IARS1: variants seen among roughly 807,000 people sequenced by gnomAD.
IARS1 encodes isoleucyl-tRNA synthetase 1, also known as isoleucine--tRNA ligase, cytoplasmic.
In IARS1, 124 loss-of-function variants were observed where a neutral mutation model predicts 168.2. That is an observed-to-expected ratio of 0.74 (90% CI 0.64 to 0.86). The LOEUF (loss-of-function observed/expected upper bound fraction) is 0.86. Among genes scored for constraint, IARS1 ranks in the 40% least tolerant of loss-of-function variants. The pLI is 0.00. For synonymous variants in IARS1, 532 were observed against 529.4 expected (o/e 1.00, Z -0.07); for missense variants, 1,452 against 1,515.8 (o/e 0.96, Z 0.70).
chr9:92,236,480 A>G (rs1212175768), intron 30 of IARS1, among the ~76,000 whole-genome samples: 1 of 152,226 alleles, frequency 6.6e-6, no homozygotes, highest in Non-Finnish European at 1.5e-5. Context: ...TCATCTCCTT[A>G]ATAATTATAG....
intron 30 of IARS1, among the ~76,000 whole-genome samples, chr9:92,235,369 T>A (rs1380704043): frequency 6.6e-6 from 1 of 152,174 alleles, no homozygotes; most frequent in African/African-American, 2.4e-5. Flanking sequence ...AAATGCTCAT[T>A]ATCCAGTCCA....
chr9:92,244,854 C>A, intron 27 of IARS1, 105 bp downstream of exon 27: 2 of 825,348 alleles, frequency 2.4e-6, no homozygotes, highest in Non-Finnish European at 3.9e-6. Context: ...TTTATTTTAC[C>A]CTGAGACAAG....
chr9:92,287,695 AAATT>A, intron 4 of IARS1, 92 bp downstream of exon 4: 1 of 1,323,866 alleles, frequency 7.6e-7, no homozygotes, highest in Middle Eastern at 1.9e-4. Context: ...TACAAAAAAT[AAATT>A]AATAAAAAAA....
In IARS1 at chr9:92,265,116, G is replaced by A; in HGVS notation, c.1513C>T (p.His505Tyr). The A allele has an allele frequency of 6.2e-7, 1 of 1,611,100 alleles. No individual in the cohort carries two copies. The highest frequency in any genetic ancestry group is 8.5e-7 in the Non-Finnish European group (1 of 1,178,902). ...CCACAGCGTGAAGGAATGGTCAGGTGGTCAACACTAACAAACAGAAAAGTA... is the reference window on the plus strand; with the variant it reads ...CCACAGCGTGAAGGAATGGTCAGGTAGTCAACACTAACAAACAGAAAAGTA... ...ISDLHRESVD[H>Y]LTIPSRCGKG... Residue 505 changes from histidine (H) to tyrosine (Y), a missense_variant, in exon 16 of 34, where the codon CAC becomes TAC. Coordinates refer to ENST00000443024, the MANE Select transcript of IARS1 (RefSeq NM_002161.6).
intron 33 of IARS1, among the ~76,000 whole-genome samples, chr9:92,221,002 G>T (rs1365290444): frequency 6.6e-6 from 1 of 151,930 alleles, no homozygotes; most frequent in Non-Finnish European, 1.5e-5. Flanking sequence ...CCAAAACACT[G>T]TAACAGAAAT....
chr9:92,230,103 A>ATTTCT (rs375878309), intron 30 of IARS1, among the ~76,000 whole-genome samples: 1 of 151,272 alleles, frequency 6.6e-6, no homozygotes, highest in Admixed American at 6.6e-5. Flanking sequence ...TTTGGCAACA[A>ATTTCT]TTTCTTTTCT....
chr9:92,270,409 T>TA (rs1325863957), intron 12 of IARS1, among the ~76,000 whole-genome samples: 7 of 152,080 alleles, frequency 4.6e-5, no homozygotes, highest in East Asian at 1.9e-4. Context: ...CTTCTCATCC[T>TA]AAAAAAAATG....
rs564096362 is a variant in IARS1 at position 92,285,183 on chromosome 9, T to G, written c.597+539A>C. 4.7e-4 allele frequency among the ~76,000 whole-genome samples: 72 copies of G among 152,348 alleles called. 1 individual carries two copies. Among genetic ancestry groups the G allele is most frequent in the Non-Finnish European group, 9.0e-4 (61 of 68,030 alleles). The stretch of plus-strand genomic sequence containing the variant: ...ATGGTTCACATTTCAGAAGACTTAC[T>G]AGTATATAATATCTGTCTAGATATG... On this transcript the variant is annotated intron_variant, in intron 6 of 33. Transcript: ENST00000443024.
rs1839429940 is a variant in IARS1, at chr9:92,220,143, T to C, written c.3706+2377A>G. ...GGGACATGGATGAAATTGGAAATCA[T>C]CATTCTCAGTAAACTATCGCAAGAA... On this transcript the variant is annotated intron_variant, in intron 33 of 33. Coordinates refer to ENST00000443024, the MANE Select transcript of IARS1 (RefSeq NM_002161.6). Among the ~76,000 whole-genome samples the C allele has an allele frequency of 2.7e-5, 4 of 149,580 alleles. No individual in the cohort carries two copies. The South Asian group carries it at 8.7e-4, about 33-fold the overall frequency.
intron 30 of IARS1, 35 bp downstream of exon 30, chr9:92,240,821 A>C (rs1170567558): frequency 7.3e-7 from 1 of 1,365,112 alleles, no homozygotes; most frequent in Non-Finnish European, 1.0e-6. Context: ...GTATAACTAA[A>C]AAAAAGTCAC....
intron 33 of IARS1, among the ~76,000 whole-genome samples, chr9:92,211,226 C>T (rs919529783): frequency 2.0e-5 from 3 of 152,150 alleles, no homozygotes; most frequent in African/African-American, 7.2e-5. Flanking sequence ...ATCATGCCTA[C>T]AGAATGAAAC....
At chr9:92,251,300 A>G in intron 22 of IARS1, 1 of 340,538 alleles carries the variant, frequency 2.9e-6, no homozygotes. Flanking sequence ...GGAGTAAAGG[A>G]AACAGGATAA....
chr9:92,244,956 T>TA lies in IARS1; in HGVS notation c.2904+2dup. 1 of 1,611,436 alleles carries TA rather than the reference T, an allele frequency of 6.2e-7. No individual in the cohort carries two copies. Among genetic ancestry groups the TA allele is most frequent in the Non-Finnish European group, 8.5e-7 (1 of 1,177,634 alleles). ...AGAAATGTTCTAGGAAACAGAAAAATACCTGAGCATCTGAGTGTGCTTCAA... is the reference window on the plus strand; with the variant it reads ...AGAAATGTTCTAGGAAACAGAAAAATAACCTGAGCATCTGAGTGTGCTTCAA... On this transcript the variant is annotated splice_region_variant and intron_variant, in intron 27 of 33. Transcript: ENST00000443024.
In IARS1 at chr9:92,269,938, C is replaced by T. The variant is rs754439743; in HGVS notation, c.1251G>A (p.Val417=). 1 of 1,613,780 alleles carries T rather than the reference C, an allele frequency of 6.2e-7. No homozygotes were observed. The highest frequency in any genetic ancestry group is 8.5e-7 in the Non-Finnish European group (1 of 1,179,774). The change falls in exon 13 of 34, where the codon GTG becomes GTA. Residue 417 remains valine (V), a synonymous_variant. Transcript: ENST00000443024. ...LIYKAVPSWF[V]RVENMVDQLL... Reference sequence around the variant, plus strand: ...GCTGGTCCACCATGTTCTCCACTCGCACAAACCAGCTGGGCACTGCTTTGT... The same window carrying T: ...GCTGGTCCACCATGTTCTCCACTCGTACAAACCAGCTGGGCACTGCTTTGT...
At chr9:92,240,201 CTG>C (rs536653320) in intron 30 of IARS1, 350 of 158,032 alleles carry the variant, frequency 2.2e-3, no homozygotes, top group Non-Finnish European at 3.9e-3. Context: ...ATAGGGAAAA[CTG>C]TATCTGCTTC....
At chr9:92,220,246 T>C (rs1172343690) in intron 33 of IARS1, among the ~76,000 whole-genome samples, 1 of 112,202 alleles carries the variant, frequency 8.9e-6, no homozygotes, top group Non-Finnish European at 1.7e-5. Context: ...GGAAGGGGAA[T>C]ATCACACTCT....
At position 92,250,237 on chromosome 9, in the gene IARS1, C is replaced by A. The variant is rs1829815316; in HGVS notation, c.2482G>T (p.Val828Leu). 2 of 1,613,124 alleles carry A rather than the reference C, an allele frequency of 1.2e-6. No individual in the cohort carries two copies. The highest frequency in any genetic ancestry group is 2.7e-5 in the African/African-American group (2 of 74,918). ...CTGATCACTCTTCCAAGTTCAATCA[C>A]AGACTGCATCTGAGATACTGCACTC... ...TESAVSQMQS[V>L]IELGRVIRDR... The change falls in exon 24 of 34, where the codon GTG becomes TTG. Residue 828 changes from valine (V) to leucine (L), a missense_variant. Physicochemically the swap from Val to Leu is conservative, Grantham distance 32. Transcript: ENST00000443024.
chr9:92,262,884 A>G (rs1831727547), intron 17 of IARS1, 85 bp downstream of exon 17: 15 of 941,288 alleles, frequency 1.6e-5, no homozygotes, highest in Middle Eastern at 2.5e-4. Context: ...CTGTCACTAC[A>G]ACAAAGTTGA....
chr9:92,243,186 C>G (rs1828693194), intron 28 of IARS1, 30 bp downstream of exon 28: 1 of 1,556,868 alleles, frequency 6.4e-7, no homozygotes, highest in Non-Finnish European at 8.9e-7. Flanking sequence ...AAAGCCAAAA[C>G]AGTAGCTTAT....
Sources: gnomAD v4.1 joint callset for allele counts (sites outside exome capture counted in the v4.1 genomes callset) on GRCh38, gnomAD v4.1.1 for gene constraint, MANE v1.5 for transcripts, NCBI Gene and HGNC (gene_info 2026-07-23, HGNC 2026-07-21) for gene names.